ADGRL3: variants seen among roughly 807,000 people sequenced by gnomAD.
The protein encoded by ADGRL3 is adhesion G protein-coupled receptor L3.
ADGRL3 carries 62 observed loss-of-function variants against 153.5 expected under a neutral mutation model. The observed-to-expected ratio is 0.40, with a 90% CI of 0.33 to 0.50. The LOEUF (loss-of-function observed/expected upper bound fraction) is 0.50. Among genes scored for constraint, ADGRL3 ranks in the 20% least tolerant of loss-of-function variants. The pLI is 0.47. For synonymous variants in ADGRL3, 710 were observed against 672.5 expected (o/e 1.06, Z -0.86); for missense variants, 1,641 against 1,859.4 (o/e 0.88, Z 2.16).
intron 4 of ADGRL3, among the ~76,000 whole-genome samples, chr4:61,531,248 A>T (rs192378453): frequency 1.8e-4 from 27 of 152,246 alleles, no homozygotes; most frequent in African/African-American, 6.5e-4. Context: ...AATTAGGCGC[A>T]TTGCTACCAC....
chr4:61,906,946 C>T (rs186533656), intron 11 of ADGRL3, among the ~76,000 whole-genome samples: 5 of 152,154 alleles, frequency 3.3e-5, no homozygotes, highest in East Asian at 1.9e-4. Context: ...AGTCAAACAG[C>T]TTACAAAGAG....
At chr4:61,707,875 A>G (rs1312017750) in intron 6 of ADGRL3, among the ~76,000 whole-genome samples, 1 of 152,156 alleles carries the variant, frequency 6.6e-6, no homozygotes, top group Admixed American at 6.6e-5. Flanking sequence ...AGACTCCATT[A>G]GAGACATTGT....
chr4:61,207,881 C>T (rs1462752893), intron 1 of ADGRL3, among the ~76,000 whole-genome samples: 1 of 152,118 alleles, frequency 6.6e-6, no homozygotes, highest in East Asian at 1.9e-4. Context: ...GATCTGCCTC[C>T]TTGTGCTCTA....
chr4:61,391,364 C>T lies in ADGRL3; in HGVS notation c.-174+8175C>T, dbSNP rs2096799981. Reference sequence around the variant, plus strand: ...CACGTGAACTCAGAGTGAGAACTCACTCCTTACCTCAAGAAGGGTACCAAG... The same window carrying T: ...CACGTGAACTCAGAGTGAGAACTCATTCCTTACCTCAAGAAGGGTACCAAG... On this transcript the variant is annotated intron_variant, in intron 2 of 26. Transcript: ENST00000683033. Among the ~76,000 whole-genome samples the T allele has an allele frequency of 2.0e-5, 3 of 152,186 alleles. No individual in the cohort carries two copies. In the South Asian group the frequency reaches 6.2e-4, roughly 32 times the overall value.
At chr4:61,646,163 G>T (rs1442284751) in intron 5 of ADGRL3, among the ~76,000 whole-genome samples, 4 of 151,706 alleles carry the variant, frequency 2.6e-5, no homozygotes, top group African/African-American at 7.3e-5. Context: ...TCTCTGTATT[G>T]GTTATTCTAG....
intron 17 of ADGRL3, among the ~76,000 whole-genome samples, chr4:61,966,559 G>A (rs2099007355): frequency 6.7e-6 from 1 of 148,958 alleles, no homozygotes; most frequent in South Asian, 2.2e-4. Flanking sequence ...CCTTTAAGAA[G>A]TACTTTCAAA....
At chr4:61,821,625 G>A in intron 9 of ADGRL3, among the ~76,000 whole-genome samples, 1 of 151,950 alleles carries the variant, frequency 6.6e-6, no homozygotes, top group Non-Finnish European at 1.5e-5. Flanking sequence ...TTATACATTT[G>A]CAAACTGTTG....
intron 2 of ADGRL3, among the ~76,000 whole-genome samples, chr4:61,408,578 G>T (rs1477210225): frequency 6.6e-6 from 1 of 151,880 alleles, no homozygotes; most frequent in Non-Finnish European, 1.5e-5. Context: ...CTGTAGCCTG[G>T]TTTTCTGTCT....
At chr4:61,560,708 C>A (rs2098791448) in intron 4 of ADGRL3, among the ~76,000 whole-genome samples, 1 of 151,826 alleles carries the variant, frequency 6.6e-6, no homozygotes, top group East Asian at 1.9e-4. Context: ...CCCTTTATAA[C>A]AACTTACGGA....
At chr4:61,832,817 T>C (rs558303073) in intron 9 of ADGRL3, among the ~76,000 whole-genome samples, 13 of 151,496 alleles carry the variant, frequency 8.6e-5, no homozygotes, top group African/African-American at 2.2e-4. Flanking sequence ...TTTTTCTTTT[T>C]TTTTTTTTTT....
At chr4:61,990,218 A>G (rs1340229018) in intron 19 of ADGRL3, among the ~76,000 whole-genome samples, 1 of 152,100 alleles carries the variant, frequency 6.6e-6, no homozygotes, top group Non-Finnish European at 1.5e-5. Flanking sequence ...AAAATGAAGT[A>G]TTAACACATG....
chr4:61,810,194 C>T (rs562501831), intron 8 of ADGRL3, among the ~76,000 whole-genome samples: 1 of 152,196 alleles, frequency 6.6e-6, no homozygotes, highest in South Asian at 2.1e-4. Flanking sequence ...AAGGATTATG[C>T]CCCACGTACC....
At chr4:61,998,299 G>T in intron 21 of ADGRL3, 34 bp downstream of exon 21, 1 of 1,175,104 alleles carries the variant, frequency 8.5e-7, no homozygotes, top group Non-Finnish European at 1.2e-6. Context: ...TCTATAGGTT[G>T]TGTTACATTT....
chr4:62,040,695 A>T (rs933736143), intron 24 of ADGRL3, among the ~76,000 whole-genome samples: 19 of 152,126 alleles, frequency 1.2e-4, no homozygotes, highest in Non-Finnish European at 2.2e-4. Context: ...TGTGATCTGG[A>T]ACTTTTATTC....
At chr4:61,894,825 CA>C (rs1327502813) in intron 10 of ADGRL3, among the ~76,000 whole-genome samples, 1 of 152,106 alleles carries the variant, frequency 6.6e-6, no homozygotes, top group East Asian at 1.9e-4. Context: ...ATGTTTCTGC[CA>C]GAGATATCAT....
intron 15 of ADGRL3, among the ~76,000 whole-genome samples, chr4:61,936,489 ATT>A (rs1442702792): frequency 2.0e-5 from 3 of 152,132 alleles, no homozygotes; most frequent in Non-Finnish European, 4.4e-5. Context: ...GCATACAAAC[ATT>A]TAAATGTAAG....
chr4:61,615,543 T>G (rs1398371447), intron 5 of ADGRL3, among the ~76,000 whole-genome samples: 1 of 151,246 alleles, frequency 6.6e-6, no homozygotes, highest in East Asian at 2.0e-4. Context: ...AGAACAGAAG[T>G]GTGAGAAAGA....
In ADGRL3 at chr4:61,222,081, A is replaced by C. The variant is rs1041748348; in HGVS notation, c.-240+20316A>C. ...TTTTTTAATCCTTCTGGAAGCATTG[A>C]ATTAGATTCTACTTTTCATTTAGAT... On this transcript the variant is annotated intron_variant, in intron 1 of 26. Transcript: ENST00000683033. Among the ~76,000 whole-genome samples, 5 of 152,046 alleles carry C rather than the reference A, an allele frequency of 3.3e-5. No individual in the cohort carries two copies. In the East Asian group the frequency reaches 9.7e-4, roughly 29 times the overall value.
intron 6 of ADGRL3, among the ~76,000 whole-genome samples, chr4:61,718,250 A>C (rs1397576921): frequency 5.3e-5 from 8 of 152,004 alleles, no homozygotes; most frequent in Non-Finnish European, 1.2e-4. Context: ...TAGCCATTTT[A>C]TTTTTTTCTT....
Sources: allele counts gnomAD v4.1 joint callset (sites outside exome capture counted in the v4.1 genomes callset), GRCh38; gene constraint gnomAD v4.1.1; transcripts MANE v1.5; gene names NCBI Gene and HGNC (gene_info 2026-07-23, HGNC 2026-07-21).